Variants in TNFSF11 observed in about 807,000 individuals in gnomAD.
The protein encoded by TNFSF11 is TNF superfamily member 11.
In TNFSF11, 12 loss-of-function variants were observed where a neutral mutation model predicts 32.2. The observed-to-expected ratio is 0.37, with a 90% CI of 0.24 to 0.60. The LOEUF is 0.60. TNFSF11 is among the 20% of genes least tolerant of loss of function. The pLI is 0.66. For synonymous variants in TNFSF11, 172 were observed against 152.1 expected, an observed-to-expected ratio of 1.13 and a Z score of -0.96; for missense variants, 345 against 398.0, an observed-to-expected ratio of 0.87 and a Z score of 1.13.
chr13:42,590,616 A>G (rs1164710244), intron 2 of TNFSF11, among the ~76,000 whole-genome samples: 1 of 152,260 alleles, frequency 6.6e-6, no homozygotes, highest in African/African-American at 2.4e-5. Context: ...AGAGGAAAAC[A>G]GAGACATGGT....
At chr13:42,590,829 G>A (rs1241828478) in intron 2 of TNFSF11, among the ~76,000 whole-genome samples, 4 of 152,114 alleles carry the variant, frequency 2.6e-5, no homozygotes, top group Admixed American at 2.6e-4. Flanking sequence ...AACCATGAAG[G>A]TTAAACAATA....
intron 1 of TNFSF11, among the ~76,000 whole-genome samples, chr13:42,575,155 T>C (rs1313665893): frequency 6.6e-6 from 1 of 151,570 alleles, no homozygotes; most frequent in Non-Finnish European, 1.5e-5. Context: ...CGCTGTCCTG[T>C]GGGGGTGAAG....
At chr13:42,584,364 C>T (rs1445047761) in intron 2 of TNFSF11, among the ~76,000 whole-genome samples, 1 of 152,144 alleles carries the variant, frequency 6.6e-6, no homozygotes, top group African/African-American at 2.4e-5. Flanking sequence ...AGTAATTTCT[C>T]TTGTCCTAAG....
chr13:42,606,563 CTT>C lies in TNFSF11; in HGVS notation c.602_603del (p.Phe201Ter). 6.2e-7 allele frequency: 1 copy of C among 1,614,172 alleles called. No homozygotes were observed. The highest frequency in any genetic ancestry group is 8.5e-7 in the Non-Finnish European group (1 of 1,180,032). On this transcript the variant is annotated frameshift_variant, in exon 5 of 5. Transcript: ENST00000398795. LOFTEE classifies it high-confidence loss of function. ...GGTTGGGCCAAGATCTCCAACATGA[CTT>C]TTAGCAATGGAAAACTAATAGTTAA... is the stretch of plus-strand genomic sequence containing the variant.
intron 2 of TNFSF11, among the ~76,000 whole-genome samples, chr13:42,567,796 A>G (rs990662427): frequency 2.0e-5 from 3 of 152,262 alleles, no homozygotes; most frequent in Non-Finnish European, 4.4e-5. Context: ...ATGCCAGGCA[A>G]GGGTTAAGTC....
rs745568973 is a variant in TNFSF11, at chr13:42,606,687, C to T, written c.723C>T (p.Tyr241=). The change falls in exon 5 of 5, where the codon TAC becomes TAT. Residue 241 remains tyrosine, a synonymous_variant. Coordinates refer to ENST00000398795, the MANE Select transcript of TNFSF11 (RefSeq NM_003701.4). The part of the protein sequence containing the change: ...LATEYLQLMV[Y]VTKTSIKIPS... ...CAGAGTATCTTCAACTAATGGTGTA[C>T]GTCACTAAAACCAGCATCAAAATCC... is the stretch of plus-strand genomic sequence containing the variant. 1.4e-5 allele frequency: 22 copies of T among 1,614,044 alleles called. No individual in the cohort carries two copies. The highest frequency in any genetic ancestry group is 1.6e-4 in the Middle Eastern group (1 of 6,084).
intron 2 of TNFSF11, among the ~76,000 whole-genome samples, chr13:42,587,696 T>A (rs1305748603): frequency 1.3e-5 from 2 of 152,206 alleles, no homozygotes; most frequent in African/African-American, 4.8e-5. Flanking sequence ...TTTGCTAGGT[T>A]TTGTAGATTA....
chr13:42,589,062 G>T (rs1465260038), intron 2 of TNFSF11, among the ~76,000 whole-genome samples: 4 of 152,114 alleles, frequency 2.6e-5, no homozygotes, highest in African/African-American at 9.7e-5. Context: ...GGTGGTACCA[G>T]TAAAAATAAT....
chr13:42,583,557 A>G (rs895750760), intron 2 of TNFSF11, among the ~76,000 whole-genome samples: 1 of 151,956 alleles, frequency 6.6e-6, no homozygotes. Context: ...GATCCTGAAA[A>G]GTGATTGACA....
chr13:42,597,050 G>A (rs111683791), intron 2 of TNFSF11, among the ~76,000 whole-genome samples: 2,573 of 152,306 alleles, frequency 0.017, 64 homozygotes, highest in African/African-American at 0.058. Flanking sequence ...CACCCTAAAA[G>A]TCTAGTCTTA....
At position 42,607,027 on chromosome 13, in the gene TNFSF11, C is replaced by T. The variant is rs200329349; in HGVS notation, c.*109C>T. ...GTGAGACTACTAAGAGGCATGGCCC[C>T]AACGGTACACGACTCAGTATCCATG... On this transcript the variant is annotated 3_prime_UTR_variant, in exon 5 of 5. Coordinates refer to ENST00000398795, the MANE Select transcript of TNFSF11 (RefSeq NM_003701.4). 13 of 1,348,606 alleles carry T rather than the reference C, an allele frequency of 9.6e-6. No homozygotes were observed. In the African/African-American group the frequency reaches 1.9e-4, roughly 19 times the overall value. The allele number at this position is 1,348,606 out of a possible 1,614,324, so 83.5% of individuals were successfully genotyped here. A position where few individuals can be genotyped will look rare whatever the true frequency, so the allele number is the denominator to read the frequency against.
intron 1 of TNFSF11, among the ~76,000 whole-genome samples, chr13:42,564,865 TG>T (rs1436879183): frequency 6.6e-6 from 1 of 152,248 alleles, no homozygotes; most frequent in Non-Finnish European, 1.5e-5. Context: ...GTTCTTATTT[TG>T]TTCTCTTTCT....
Position 42,581,161 on chromosome 13 carries a change from C to T in TNFSF11, c.255C>T (p.His85=). Residue 85 remains histidine, a synonymous_variant, in exon 2 of 5, where the codon CAC becomes CAT. Transcript: ENST00000398795. The part of the protein sequence containing the change: ...DPNRISEDGT[H]CIYRILRLHE... ...ATAGAATATCAGAAGATGGCACTCA[C>T]TGCATTTATAGAATTTTGAGACTCC... The T allele has an allele frequency of 1.2e-6, 2 of 1,614,154 alleles. No individual in the cohort carries two copies. The highest frequency in any genetic ancestry group is 1.7e-6 in the Non-Finnish European group (2 of 1,179,992).
At chr13:42,567,046 A>G (rs1012902313) in intron 2 of TNFSF11, among the ~76,000 whole-genome samples, 3 of 152,058 alleles carry the variant, frequency 2.0e-5, no homozygotes, top group Non-Finnish European at 2.9e-5. Flanking sequence ...AAGTTAAACA[A>G]TGTATTATAG....
intron 1 of TNFSF11, among the ~76,000 whole-genome samples, chr13:42,577,800 G>A (rs1873396049): frequency 6.6e-6 from 1 of 152,146 alleles, no homozygotes; most frequent in Non-Finnish European, 1.5e-5. Flanking sequence ...CAAGCATCCT[G>A]CCTCATTTAA....
chr13:42,594,384 A>G (rs1234382193), intron 2 of TNFSF11, among the ~76,000 whole-genome samples: 1 of 151,742 alleles, frequency 6.6e-6, no homozygotes, highest in East Asian at 1.9e-4. Context: ...CACCAGGCCT[A>G]TTTATATTAC....
rs138316207 is a variant in TNFSF11 at position 42,591,372 on chromosome 13, C to T, written c.388-9380C>T. The stretch of plus-strand genomic sequence containing the variant: ...ATCTGCCTGCTGGGCCACTGGACCC[C>T]TTGCCCACCTCATGATTTTTCCCCT... On this transcript the variant is annotated intron_variant, in intron 2 of 4. Transcript: ENST00000398795. Among the ~76,000 whole-genome samples, 42 of 152,214 alleles carry T rather than the reference C, an allele frequency of 2.8e-4. 1 individual carries two copies. The East Asian group carries it at 8.1e-3, about 29-fold the overall frequency.
Position 42,600,968 on chromosome 13 carries a change from C to T in TNFSF11, c.519C>T (p.Thr173=), listed in dbSNP as rs781456433. The T allele has an allele frequency of 9.9e-6, 16 of 1,613,942 alleles. No homozygotes were observed. Among genetic ancestry groups the T allele is most frequent in the South Asian group, 5.5e-5 (5 of 91,084 alleles). Residue 173 remains threonine (T), a synonymous_variant, in exon 4 of 5, where the codon ACC becomes ACT. Transcript: ENST00000398795. The part of the protein sequence containing the change: ...QPFAHLTINA[T]DIPSGSHKVS... The stretch of plus-strand genomic sequence containing the variant: ...TTGCTCATCTCACTATTAATGCCAC[C>T]GACATCCCATCTGGTAAGCTCTATC...
chr13:42,574,198 G>C lies in TNFSF11; in HGVS notation c.-106G>C. On this transcript the variant is annotated 5_prime_UTR_variant, in exon 1 of 5. Coordinates refer to ENST00000398795, the MANE Select transcript of TNFSF11 (RefSeq NM_003701.4). ...AGGACCCAAAGCCGGGCTCCAAGTC[G>C]GCGCCCCACGTCGAGGCTCCGCCGC... is the stretch of plus-strand genomic sequence containing the variant. The C allele has an allele frequency of 6.9e-7, 1 of 1,456,692 alleles. No individual in the cohort carries two copies. The highest frequency in any genetic ancestry group is 1.2e-5 in the South Asian group (1 of 81,370). The allele number at this position is 1,456,692 out of a possible 1,614,324, so 90.2% of individuals were successfully genotyped here.
Sources: gnomAD v4.1 joint callset for allele counts (sites outside exome capture counted in the v4.1 genomes callset) on GRCh38, gnomAD v4.1.1 for gene constraint, MANE v1.5 for transcripts, NCBI Gene and HGNC (gene_info 2026-07-23, HGNC 2026-07-21) for gene names.